SORCS2: variants seen among roughly 807,000 people sequenced by gnomAD.
SORCS2 encodes the protein VPS10 domain-containing receptor SorCS2.
SORCS2 carries 100 observed loss-of-function variants against 141.6 expected under a neutral mutation model. That is an observed-to-expected ratio of 0.71 (90% CI 0.60 to 0.83). The LOEUF is 0.83. Among genes scored for constraint, SORCS2 ranks in the 40% least tolerant of loss-of-function variants. The pLI is 0.00. For synonymous variants in SORCS2, 789 were observed against 676.9 expected (o/e 1.17, Z -2.57); for missense variants, 1,646 against 1,560.2 (o/e 1.05, Z -0.93).
At chr4:7,422,754 A>AC (rs747792126) in intron 2 of SORCS2, among the ~76,000 whole-genome samples, 1 of 151,972 alleles carries the variant, frequency 6.6e-6, no homozygotes, top group Non-Finnish European at 1.5e-5. Flanking sequence ...GGACGCCACA[A>AC]CCCAGGTCTC....
At chr4:7,290,937 A>C (rs2336103) in intron 1 of SORCS2, among the ~76,000 whole-genome samples, 108,846 of 152,038 alleles carry the variant, frequency 0.72, 39,213 homozygotes, top group Middle Eastern at 0.76. Context: ...AGAATGAATT[A>C]CACGGTTCTT....
chr4:7,210,221 G>A (rs1415376253), intron 1 of SORCS2, among the ~76,000 whole-genome samples: 1 of 152,172 alleles, frequency 6.6e-6, no homozygotes, highest in Non-Finnish European at 1.5e-5. Context: ...GTCATCTTTG[G>A]CGCCCACCCA....
chr4:7,606,300 A>T (rs1357475418), intron 3 of SORCS2, among the ~76,000 whole-genome samples: 1 of 152,092 alleles, frequency 6.6e-6, no homozygotes, highest in African/African-American at 2.4e-5. Flanking sequence ...GTTTTTAGCG[A>T]TGGAGAATAT....
At chr4:7,465,436 C>T (rs980160709) in intron 2 of SORCS2, among the ~76,000 whole-genome samples, 4 of 152,220 alleles carry the variant, frequency 2.6e-5, no homozygotes, top group East Asian at 1.9e-4. Flanking sequence ...GGGCTTTTCC[C>T]GGTGGCTGGA....
At position 7,358,845 on chromosome 4, in the gene SORCS2, T is replaced by C. The variant is rs997505586; in HGVS notation, c.481-37443T>C. On this transcript the variant is annotated intron_variant, in intron 1 of 26. Transcript: ENST00000507866. ...ACCACTATGTTTTTATTTTTTATCT[T>C]TATTTCTTTTAGAGACAGGGTTTCA... 1.3e-4 allele frequency among the ~76,000 whole-genome samples: 20 copies of C among 152,246 alleles called. 1 individual carries two copies. The highest frequency in any genetic ancestry group is 4.8e-4 in the African/African-American group (20 of 41,462).
At chr4:7,280,748 T>C (rs1172869803) in intron 1 of SORCS2, among the ~76,000 whole-genome samples, 7 of 152,172 alleles carry the variant, frequency 4.6e-5, no homozygotes, top group Non-Finnish European at 7.3e-5. Context: ...TCCCCTTTTG[T>C]AAAATACAGA....
intron 2 of SORCS2, among the ~76,000 whole-genome samples, chr4:7,516,475 A>C (rs954542860): frequency 6.6e-6 from 1 of 151,474 alleles, no homozygotes; most frequent in Non-Finnish European, 1.5e-5. Flanking sequence ...AGGCACCTAG[A>C]GTGGGCTGAG....
At position 7,300,310 on chromosome 4, in the gene SORCS2, G is replaced by A. The variant is rs560717988; in HGVS notation, c.481-95978G>A. ...TGGGAAGTACTCTGGGCAGAAAAGC[G>A]GGCGGAGGGTGGGGGGTACTTTTCT... On this transcript the variant is annotated intron_variant, in intron 1 of 26. Coordinates refer to ENST00000507866, the MANE Select transcript of SORCS2 (RefSeq NM_020777.3). Among the ~76,000 whole-genome samples, 5 of 152,276 alleles carry A rather than the reference G, an allele frequency of 3.3e-5. No homozygotes were observed. The East Asian group carries it at 7.7e-4, about 24-fold the overall frequency.
At chr4:7,537,612 G>A (rs1712237814) in intron 3 of SORCS2, among the ~76,000 whole-genome samples, 1 of 152,176 alleles carries the variant, frequency 6.6e-6, no homozygotes, top group South Asian at 2.1e-4. Context: ...GCACTGGGGA[G>A]CAAAGGTGAA....
intron 1 of SORCS2, among the ~76,000 whole-genome samples, chr4:7,221,421 G>A (rs1407076459): frequency 1.3e-5 from 2 of 152,028 alleles, no homozygotes; most frequent in African/African-American, 2.4e-5. Context: ...CGTGACCAGC[G>A]GAACCAGAGA....
intron 2 of SORCS2, among the ~76,000 whole-genome samples, chr4:7,500,871 CAGCCCCCGCAGAATGA>C (rs1428709777): frequency 1.3e-5 from 2 of 152,204 alleles, no homozygotes; most frequent in African/African-American, 4.8e-5. Flanking sequence ...AGCCTGCGGG[CAGCCCCCGCAGAATGA>C]AACCCAGGAC....
At chr4:7,576,945 T>C (rs1318348099) in intron 3 of SORCS2, among the ~76,000 whole-genome samples, 1 of 152,200 alleles carries the variant, frequency 6.6e-6, no homozygotes, top group Admixed American at 6.5e-5. Flanking sequence ...TGAGATTGCA[T>C]GGGAAATGAG....
At chr4:7,292,252 G>T (rs939843708) in intron 1 of SORCS2, among the ~76,000 whole-genome samples, 1 of 141,720 alleles carries the variant, frequency 7.1e-6, no homozygotes, top group African/African-American at 2.7e-5. Context: ...AGGCTCCCCC[G>T]CATTCACGGT....
At chr4:7,469,008 G>A (rs1729800345) in intron 2 of SORCS2, among the ~76,000 whole-genome samples, 2 of 152,220 alleles carry the variant, frequency 1.3e-5, no homozygotes, top group Non-Finnish European at 2.9e-5. Flanking sequence ...AAGAGTTGTT[G>A]TGAGGGTAGA....
chr4:7,265,258 C>A (rs188354797), intron 1 of SORCS2, among the ~76,000 whole-genome samples: 212 of 152,210 alleles, frequency 1.4e-3, no homozygotes, highest in African/African-American at 4.6e-3. Flanking sequence ...TTTGGGAGGC[C>A]GAGGCAGGTG....
At chr4:7,210,270 C>T (rs1007663101) in intron 1 of SORCS2, among the ~76,000 whole-genome samples, 3 of 152,170 alleles carry the variant, frequency 2.0e-5, no homozygotes, top group Non-Finnish European at 4.4e-5. Flanking sequence ...GCTTTCTACC[C>T]TTGACCCTTA....
intron 4 of SORCS2, among the ~76,000 whole-genome samples, chr4:7,645,155 T>TTA: frequency 6.6e-6 from 1 of 152,208 alleles, no homozygotes; most frequent in Admixed American, 6.5e-5. Context: ...AGGCATCTAT[T>TTA]GACTGTGGGT....
intron 10 of SORCS2, 57 bp downstream of exon 10, chr4:7,682,946 T>G (rs1723621923): frequency 6.4e-7 from 1 of 1,572,430 alleles, no homozygotes; most frequent in East Asian, 2.3e-5. Flanking sequence ...AGATATAACT[T>G]CAGTAATCAA....
chr4:7,732,625 T>C (rs1711795390), intron 23 of SORCS2, among the ~76,000 whole-genome samples: 1 of 152,120 alleles, frequency 6.6e-6, no homozygotes, highest in South Asian at 2.1e-4. Flanking sequence ...CTGCCCTGTC[T>C]CATTCTCTTC....
Sources: allele counts gnomAD v4.1 joint callset (sites outside exome capture counted in the v4.1 genomes callset), GRCh38; gene constraint gnomAD v4.1.1; transcripts MANE v1.5; gene names NCBI Gene and HGNC (gene_info 2026-07-23, HGNC 2026-07-21).